Variants in SHANK2 observed in about 807,000 individuals in gnomAD.
SHANK2 encodes SH3 and multiple ankyrin repeat domains protein 2.
SHANK2 carries 43 observed loss-of-function variants against 133.7 expected under a neutral mutation model. That is an observed-to-expected ratio of 0.32 (90% CI 0.25 to 0.41). The LOEUF (loss-of-function observed/expected upper bound fraction) is 0.41. Ranked by LOEUF, SHANK2 falls within the 10% of genes least tolerant of loss-of-function variation. SHANK2 has a pLI of 1.00. For synonymous variants in SHANK2, 1,017 were observed against 952.8 expected (o/e 1.07, Z -1.24); for missense variants, 1,994 against 2,235.8 (o/e 0.89, Z 2.18).
intron 14 of SHANK2, among the ~76,000 whole-genome samples, chr11:70,728,820 C>T (rs12280681): frequency 6.6e-6 from 1 of 152,174 alleles, no homozygotes; most frequent in Non-Finnish European, 1.5e-5. Context: ...CGTAAGGAGG[C>T]CTGCAGCTAA....
chr11:70,681,194 C>T (rs1347498754), intron 15 of SHANK2, among the ~76,000 whole-genome samples: 1 of 152,122 alleles, frequency 6.6e-6, no homozygotes, highest in East Asian at 1.9e-4. Flanking sequence ...TCTGCCAAGT[C>T]CCCCGTTCTC....
chr11:70,910,711 G>A (rs1331523897), intron 10 of SHANK2, among the ~76,000 whole-genome samples: 1 of 151,974 alleles, frequency 6.6e-6, no homozygotes, highest in Non-Finnish European at 1.5e-5. Flanking sequence ...GGAGGCTGAG[G>A]AAGCAAAATC....
chr11:70,720,897 A>G (rs782698128), intron 14 of SHANK2, among the ~76,000 whole-genome samples: 4 of 152,246 alleles, frequency 2.6e-5, no homozygotes, highest in Non-Finnish European at 5.9e-5. Flanking sequence ...ACATCTGTAC[A>G]CACATGTTGG....
chr11:70,487,218 C>A lies in SHANK2; in HGVS notation c.3075G>T (p.Lys1025Asn). ...TGGTCGGGATAGGGATGGAGCACGT[C>A]TTCTCGGGGCTGTCCTCCACGTTGG... ...KQSNVEDSPE[K>N]TCSIPIPTII... Residue 1025 changes from lysine to asparagine, a missense_variant, in exon 25 of 26, where the codon AAG becomes AAT. Lys to Asn is a moderately conservative substitution (Grantham distance 94). Around this residue, in one of 5 missense-constraint regions of SHANK2, gnomAD observed 488 missense variants for 642.6 expected, o/e 0.76. Transcript: ENST00000601538. This position sits in a 1 kb window ranked among gnomAD's most constrained non-coding sequence, Gnocchi z 5.8. 1 of 1,614,098 alleles carries A rather than the reference C, an allele frequency of 6.2e-7. No homozygotes were observed. Among genetic ancestry groups the A allele is most frequent in the Non-Finnish European group, 8.5e-7 (1 of 1,180,046 alleles).
chr11:70,895,820 T>G (rs559926634), intron 11 of SHANK2, among the ~76,000 whole-genome samples: 14 of 152,220 alleles, frequency 9.2e-5, no homozygotes, highest in African/African-American at 3.4e-4. Flanking sequence ...TCCAGTTTGA[T>G]TTCTTTTCTT....
At chr11:71,233,828 A>G (rs1431019762) in intron 1 of SHANK2, among the ~76,000 whole-genome samples, 23 of 151,934 alleles carry the variant, frequency 1.5e-4, no homozygotes, top group African/African-American at 5.3e-4. Context: ...CGGGAGGATC[A>G]CTTGAGGTCA....
chr11:70,810,987 T>A lies in SHANK2; in HGVS notation c.1494-3816A>T, dbSNP rs75420039. ...CAGGACTGAAGGTTAGTCCTAGTGA[T>A]GAGGTCACAGGTGGCCCCAGTGTCC... On this transcript the variant is annotated intron_variant, in intron 12 of 25. Coordinates refer to ENST00000601538, the MANE Select transcript of SHANK2 (RefSeq NM_012309.5). 6.0e-3 allele frequency among the ~76,000 whole-genome samples: 908 copies of A among 152,264 alleles called. 6 individuals are homozygous for A. The highest frequency in any genetic ancestry group is 7.5e-3 in the Non-Finnish European group (507 of 68,008).
intron 17 of SHANK2, among the ~76,000 whole-genome samples, chr11:70,643,771 G>C (rs782581535): frequency 1.3e-5 from 2 of 152,154 alleles, no homozygotes; most frequent in Non-Finnish European, 2.9e-5. Context: ...TTCTCTTGTA[G>C]GTGAGCAAGA....
At chr11:70,647,957 A>G (rs1471993281) in intron 17 of SHANK2, among the ~76,000 whole-genome samples, 3 of 152,270 alleles carry the variant, frequency 2.0e-5, no homozygotes, top group African/African-American at 7.2e-5. Flanking sequence ...AACTGGTACA[A>G]AAACGTTTAT....
At chr11:70,862,526 G>A (rs977386079) in intron 11 of SHANK2, among the ~76,000 whole-genome samples, 8 of 152,020 alleles carry the variant, frequency 5.3e-5, no homozygotes, top group Admixed American at 4.6e-4. Flanking sequence ...GACTGGACTG[G>A]CTGATAGACT....
intron 17 of SHANK2, among the ~76,000 whole-genome samples, chr11:70,507,917 G>A (rs571379411): frequency 4.3e-4 from 65 of 152,340 alleles, no homozygotes; most frequent in African/African-American, 1.4e-3. Context: ...CCGCAAGAGC[G>A]GGGCTTGTGA....
At chr11:70,574,840 C>T (rs2060095401) in intron 17 of SHANK2, among the ~76,000 whole-genome samples, 1 of 152,194 alleles carries the variant, frequency 6.6e-6, no homozygotes, top group Admixed American at 6.5e-5. Flanking sequence ...TTATGGTTGG[C>T]AGCCTTACAA....
intron 17 of SHANK2, among the ~76,000 whole-genome samples, chr11:70,539,404 T>C (rs2059584866): frequency 1.3e-5 from 2 of 151,886 alleles, no homozygotes; most frequent in Non-Finnish European, 2.9e-5. Flanking sequence ...GGGGCCAGAC[T>C]CCGAGTCGGG....
chr11:70,826,575 G>A (rs1555057264), intron 11 of SHANK2: 2 of 470,526 alleles, frequency 4.3e-6, no homozygotes, highest in African/African-American at 2.0e-5. Context: ...CAGGCGTGCA[G>A]CCCGGCCCCT....
chr11:70,888,980 G>A (rs1198802), intron 11 of SHANK2, among the ~76,000 whole-genome samples: 137,413 of 152,154 alleles, frequency 0.9, 63,048 homozygotes, highest in Non-Finnish European at 0.98. Flanking sequence ...TGTCCTTGAA[G>A]AGGTAACAGC....
intron 3 of SHANK2, among the ~76,000 whole-genome samples, chr11:71,128,000 G>A (rs1245978656): frequency 3.9e-5 from 6 of 152,106 alleles, no homozygotes; most frequent in Non-Finnish European, 5.9e-5. Flanking sequence ...CCTTTCCACC[G>A]GGGCCGAGGT....
Position 70,473,468 on chromosome 11 carries a change from A to T in SHANK2, c.4980-29T>A, listed in dbSNP as rs1555149348. ...AAACAGCAACACAGAGAAAACCATCACAAGGCAGGTCACCGAGTCAGGGCA... is the reference window on the plus strand; with the variant it reads ...AAACAGCAACACAGAGAAAACCATCTCAAGGCAGGTCACCGAGTCAGGGCA... On this transcript the variant is annotated intron_variant, in intron 25 of 25. Transcript: ENST00000601538. This position sits in a 1 kb window ranked among gnomAD's most constrained non-coding sequence, Gnocchi z 5.9. 7.5e-6 allele frequency: 12 copies of T among 1,598,420 alleles called. No individual in the cohort carries two copies. The highest frequency in any genetic ancestry group is 1.0e-5 in the Non-Finnish European group (12 of 1,178,596).
At chr11:70,834,786 T>C (rs550068979) in intron 11 of SHANK2, among the ~76,000 whole-genome samples, 2 of 152,230 alleles carry the variant, frequency 1.3e-5, no homozygotes, top group African/African-American at 4.8e-5. Flanking sequence ...ACTGGAGTCA[T>C]TGAGGGAAGC....
intron 10 of SHANK2, among the ~76,000 whole-genome samples, chr11:70,929,352 G>A (rs1037672338): frequency 2.0e-5 from 3 of 152,208 alleles, no homozygotes; most frequent in Non-Finnish European, 2.9e-5. Flanking sequence ...TGACTTGCAC[G>A]TGAGTGTCAG....
Sources: allele counts gnomAD v4.1 joint callset (sites outside exome capture counted in the v4.1 genomes callset), GRCh38; gene constraint gnomAD v4.1.1; regional missense constraint gnomAD v4.1.1; non-coding constraint Gnocchi (gnomAD v3.1); transcripts MANE v1.5; gene names NCBI Gene and HGNC (gene_info 2026-07-23, HGNC 2026-07-21).